CDK15: variants seen among roughly 807,000 people sequenced by gnomAD.
The protein encoded by CDK15 is cyclin dependent kinase 15.
Under a neutral mutation model 60.3 loss-of-function variants are expected in CDK15, and 62 were observed. The ratio of observed to expected loss-of-function variants is 1.03; its 90% confidence interval spans 0.84 to 1.27. The LOEUF is 1.27. CDK15 is among the 50% of genes most tolerant of loss of function. CDK15 has a pLI of 0.00. For missense variants in CDK15, 541 were observed against 527.8 expected (o/e 1.03, Z -0.25); for synonymous variants, 194 against 195.7 (o/e 0.99, Z 0.07).
intron 12 of CDK15, among the ~76,000 whole-genome samples, chr2:201,885,155 T>C (rs1699413525): frequency 6.6e-6 from 1 of 152,218 alleles, no homozygotes; most frequent in Non-Finnish European, 1.5e-5. Flanking sequence ...TCATATACCA[T>C]TGTAGTTTTT....
intron 12 of CDK15, among the ~76,000 whole-genome samples, chr2:201,889,913 G>A (rs188715094): frequency 2.8e-4 from 43 of 151,924 alleles, no homozygotes; most frequent in Non-Finnish European, 5.1e-4. Context: ...AGCCAGATGT[G>A]GTGATGCTTG....
At chr2:201,815,001 G>T (rs1695929344) in intron 4 of CDK15, among the ~76,000 whole-genome samples, 1 of 149,620 alleles carries the variant, frequency 6.7e-6, no homozygotes, top group Non-Finnish European at 1.5e-5. Context: ...GCCCAGGCTG[G>T]AGTGCAATGG....
chr2:201,845,843 AAAAG>A (rs59860413), intron 8 of CDK15, among the ~76,000 whole-genome samples: 36,829 of 146,088 alleles, frequency 0.25, 4,993 homozygotes, highest in South Asian at 0.36. Flanking sequence ...TTAAAAAAAA[AAAAG>A]AGAGAGAGAG....
chr2:201,881,079 G>A (rs921510536), intron 12 of CDK15, among the ~76,000 whole-genome samples: 2 of 152,126 alleles, frequency 1.3e-5, no homozygotes, highest in Non-Finnish European at 2.9e-5. Flanking sequence ...GGGGCGTGGG[G>A]GAGTGGCGAT....
intron 6 of CDK15, chr2:201,824,909 A>C (rs1696399022): frequency 2.2e-6 from 1 of 446,440 alleles, no homozygotes; most frequent in Non-Finnish European, 3.2e-6. Context: ...CCATAGTAGT[A>C]AATTTTCTAG....
At chr2:201,823,068 T>A (rs1048383092) in intron 5 of CDK15, among the ~76,000 whole-genome samples, 165 bp downstream of exon 5, 1 of 152,220 alleles carries the variant, frequency 6.6e-6, no homozygotes, top group African/African-American at 2.4e-5. Flanking sequence ...CCCACATCCA[T>A]CTTTGGTCCT....
At chr2:201,854,103 G>A (rs28568688) in intron 9 of CDK15, among the ~76,000 whole-genome samples, 18,882 of 152,016 alleles carry the variant, frequency 0.12, 2,165 homozygotes, top group African/African-American at 0.3. Flanking sequence ...GAACCTGGGA[G>A]GCAGAGCTTG....
At chr2:201,887,015 T>G (rs2105842417) in intron 12 of CDK15, among the ~76,000 whole-genome samples, 1 of 152,340 alleles carries the variant, frequency 6.6e-6, no homozygotes, top group Non-Finnish European at 1.5e-5. Flanking sequence ...AATAATTGAA[T>G]AGGGGGGAAA....
chr2:201,888,577 G>A (rs1299731693), intron 12 of CDK15: 27 of 1,461,522 alleles, frequency 1.8e-5, no homozygotes, highest in African/African-American at 4.3e-5. Context: ...AGCTTTTTTC[G>A]TTTTTTATTT....
intron 10 of CDK15, chr2:201,861,018 T>G (rs1698371874): frequency 8.5e-7 from 1 of 1,170,034 alleles, no homozygotes; most frequent in Admixed American, 3.5e-5. Context: ...GGCATCAGCT[T>G]GGTTGTATGA....
chr2:201,879,187 C>A (rs554419817), intron 11 of CDK15, among the ~76,000 whole-genome samples: 8 of 152,372 alleles, frequency 5.3e-5, no homozygotes, highest in African/African-American at 1.9e-4. Context: ...AATTCTCTCT[C>A]TTCCTCTGCT....
intron 4 of CDK15, among the ~76,000 whole-genome samples, chr2:201,816,106 GA>G (rs1247926433): frequency 1.4e-4 from 21 of 152,144 alleles, no homozygotes; most frequent in Non-Finnish European, 2.8e-4. Context: ...AAACATTAAG[GA>G]AAATGCAGAA....
intron 10 of CDK15, among the ~76,000 whole-genome samples, chr2:201,859,972 C>T (rs1270978499): frequency 6.6e-6 from 1 of 152,168 alleles, no homozygotes; most frequent in African/African-American, 2.4e-5. Flanking sequence ...CAGTCACCAT[C>T]TCATTAGATG....
intron 11 of CDK15, among the ~76,000 whole-genome samples, chr2:201,875,919 C>T (rs1252418634): frequency 6.6e-6 from 1 of 152,190 alleles, no homozygotes; most frequent in Non-Finnish European, 1.5e-5. Flanking sequence ...GAACACTTCT[C>T]ACCTCTTGAA....
intron 12 of CDK15, chr2:201,888,655 G>C: frequency 1.5e-6 from 2 of 1,357,542 alleles, no homozygotes; most frequent in Non-Finnish European, 1.9e-6. Flanking sequence ...GCAGTCCACA[G>C]CCAAATTGGA....
intron 4 of CDK15, among the ~76,000 whole-genome samples, chr2:201,817,408 G>T (rs757265826): frequency 1.5e-4 from 23 of 152,058 alleles, no homozygotes; most frequent in Non-Finnish European, 2.9e-4. Context: ...TCATATGTTT[G>T]TTGGCCACTT....
At chr2:201,806,821 A>G (rs779532895) in intron 1 of CDK15, 34 bp downstream of exon 1, 39 of 1,595,186 alleles carry the variant, frequency 2.4e-5, no homozygotes, top group Non-Finnish European at 3.1e-5. Context: ...ATCTTTCTCT[A>G]TTGATAAACC....
At chr2:201,849,616 C>T (rs188011436) in intron 9 of CDK15, among the ~76,000 whole-genome samples, 377 of 151,726 alleles carry the variant, frequency 2.5e-3, no homozygotes, top group Non-Finnish European at 4.2e-3. Context: ...CTAGGTAGGG[C>T]GATGGGTGAA....
At chr2:201,845,843 AAAAGAGAGAG>A (rs1448485692) in intron 8 of CDK15, among the ~76,000 whole-genome samples, 1 of 146,468 alleles carries the variant, frequency 6.8e-6, no homozygotes, top group Non-Finnish European at 1.5e-5. Context: ...TTAAAAAAAA[AAAAGAGAGAG>A]AGAGAGAGAG....
Sources: allele counts gnomAD v4.1 joint callset (sites outside exome capture counted in the v4.1 genomes callset), GRCh38; gene constraint gnomAD v4.1.1; transcripts MANE v1.5; gene names NCBI Gene and HGNC (gene_info 2026-07-23, HGNC 2026-07-21).